Variants in SMG6 observed in about 807,000 individuals in gnomAD.
The protein encoded by SMG6 is SMG6 nonsense mediated mRNA decay factor.
Under a neutral mutation model 142.2 loss-of-function variants are expected in SMG6, and 66 were observed. That is an observed-to-expected ratio of 0.46 (90% CI 0.38 to 0.57). The LOEUF (loss-of-function observed/expected upper bound fraction) is 0.57, where lower values mean the gene tolerates loss of function less well. Ranked by LOEUF, SMG6 falls within the 20% of genes least tolerant of loss-of-function variation. The pLI is 0.00. For synonymous variants in SMG6, 779 were observed against 702.4 expected (o/e 1.11, Z -1.72); for missense variants, 1,793 against 1,832.0 (o/e 0.98, Z 0.39).
At chr17:2,278,296 G>A (rs148256484) in intron 8 of SMG6, among the ~76,000 whole-genome samples, 8,656 of 151,246 alleles carry the variant, frequency 0.057, 811 homozygotes, top group African/African-American at 0.2. Flanking sequence ...TCCGCCTCCC[G>A]GGTTCAAGCG....
At chr17:2,093,612 G>C (rs1326986373) in intron 13 of SMG6, among the ~76,000 whole-genome samples, 1 of 152,088 alleles carries the variant, frequency 6.6e-6, no homozygotes, top group African/African-American at 2.4e-5. Context: ...AAGGTGGGAA[G>C]CATGGGGCTG....
chr17:2,129,790 T>G (rs2070041307), intron 13 of SMG6, among the ~76,000 whole-genome samples: 1 of 31,158 alleles, frequency 3.2e-5, no homozygotes, highest in Non-Finnish European at 5.9e-5. Flanking sequence ...CAAGGCTCTG[T>G]CTCAAAAAAA....
At chr17:2,065,885 T>C in intron 16 of SMG6, 1 of 590,172 alleles carries the variant, frequency 1.7e-6, no homozygotes. Flanking sequence ...TCCCTTTCTG[T>C]CTCTTCTCCT....
intron 6 of SMG6, among the ~76,000 whole-genome samples, chr17:2,287,032 C>A (rs905993621): frequency 1.3e-5 from 2 of 148,866 alleles, no homozygotes; most frequent in Admixed American, 6.8e-5. Context: ...CTCGGGTTCA[C>A]GCCATTCTCC....
rs778443944 is a variant in SMG6 at position 2,236,486 on chromosome 17, C to T, written c.2869+6G>A. The T allele has an allele frequency of 3.1e-6, 5 of 1,610,536 alleles. No homozygotes were observed. Among genetic ancestry groups the T allele is most frequent in the Admixed American group, 3.4e-5 (2 of 59,598 alleles). Reference sequence around the variant, plus strand: ...ATTCTAGATGAAGAAACTAAACATGCCTTACCTTTCAGCTGGGAGTTGTGT... The same window carrying T: ...ATTCTAGATGAAGAAACTAAACATGTCTTACCTTTCAGCTGGGAGTTGTGT... On this transcript the variant is annotated splice_donor_region_variant and intron_variant, in intron 10 of 18. Coordinates refer to ENST00000263073, the MANE Select transcript of SMG6 (RefSeq NM_017575.5).
At chr17:2,135,856 C>CT (rs2070278420) in intron 13 of SMG6, among the ~76,000 whole-genome samples, 2 of 151,730 alleles carry the variant, frequency 1.3e-5, no homozygotes, top group African/African-American at 4.8e-5. Flanking sequence ...GCCCAGCTAA[C>CT]TTAAATTTTG....
At chr17:2,303,420 C>T in intron 1 of SMG6, 1 of 1,258,256 alleles carries the variant, frequency 7.9e-7, no homozygotes. Context: ...TCGGGCCAGG[C>T]TCTCCCGGAG....
At chr17:2,177,948 G>C (rs1313621837) in intron 12 of SMG6, among the ~76,000 whole-genome samples, 1 of 152,200 alleles carries the variant, frequency 6.6e-6, no homozygotes, top group African/African-American at 2.4e-5. Flanking sequence ...CCACGCAGGG[G>C]TCAGAGGCTA....
intron 8 of SMG6, among the ~76,000 whole-genome samples, chr17:2,257,057 C>A (rs554638405): frequency 6.6e-6 from 1 of 151,490 alleles, no homozygotes; most frequent in Non-Finnish European, 1.5e-5. Flanking sequence ...CTCACTGCAA[C>A]CTCCACCTCC....
At chr17:2,236,771 G>A (rs113002118) in intron 9 of SMG6, 134 bp from the exon 10 acceptor site, 15,753 of 1,349,124 alleles carry the variant, frequency 0.012, 124 homozygotes, top group Middle Eastern at 0.014. Flanking sequence ...TACTGCCTAG[G>A]ACATTTCTTT....
In SMG6 at chr17:2,123,673, A is replaced by G. The variant is rs77216542; in HGVS notation, c.3358-37772T>C. Reference sequence around the variant, plus strand: ...ACTACTAAGCTCTCTCCCAGGGAAGAGAATGGAGATGGCACAACAAAGGCT... The same window carrying G: ...ACTACTAAGCTCTCTCCCAGGGAAGGGAATGGAGATGGCACAACAAAGGCT... On this transcript the variant is annotated intron_variant, in intron 13 of 18. Coordinates refer to ENST00000263073, the MANE Select transcript of SMG6 (RefSeq NM_017575.5). Among the ~76,000 whole-genome samples the G allele has an allele frequency of 4.4e-3, 674 of 152,326 alleles. 7 individuals are homozygous for G. Among genetic ancestry groups the G allele is most frequent in the African/African-American group, 0.015 (640 of 41,568 alleles).
chr17:2,272,520 T>C (rs2151359478), intron 8 of SMG6, among the ~76,000 whole-genome samples: 1 of 152,352 alleles, frequency 6.6e-6, no homozygotes, highest in South Asian at 2.1e-4. Context: ...CTACTCATGA[T>C]GCTTTCACAG....
At chr17:2,193,817 A>T (rs2072236880) in intron 10 of SMG6, among the ~76,000 whole-genome samples, 1 of 152,202 alleles carries the variant, frequency 6.6e-6, no homozygotes, top group South Asian at 2.1e-4. Flanking sequence ...TGTAACAGAG[A>T]AGGTTTCATG....
At chr17:2,140,335 G>A (rs2070438249) in intron 13 of SMG6, among the ~76,000 whole-genome samples, 1 of 152,232 alleles carries the variant, frequency 6.6e-6, no homozygotes, top group South Asian at 2.1e-4. Context: ...GGGGTTACAG[G>A]CGTAAGCCAC....
intron 1 of SMG6, 181 bp downstream of exon 1, chr17:2,303,452 C>G (rs2075333564): frequency 1.5e-6 from 2 of 1,304,254 alleles, no homozygotes. Context: ...TGGCCGAGCC[C>G]GACCCCGCAC....
intron 8 of SMG6, among the ~76,000 whole-genome samples, chr17:2,257,837 C>G (rs1017541963): frequency 2.0e-5 from 3 of 151,142 alleles, no homozygotes; most frequent in African/African-American, 7.3e-5. Flanking sequence ...ATGGCGAAAC[C>G]CCATCTCTAC....
At chr17:2,079,124 C>A (rs1349832849) in intron 15 of SMG6, among the ~76,000 whole-genome samples, 2 of 152,052 alleles carry the variant, frequency 1.3e-5, no homozygotes, top group Admixed American at 1.3e-4. Flanking sequence ...CCACCACACC[C>A]GGCTCACTTT....
chr17:2,127,405 C>T, intron 13 of SMG6: 1 of 725,650 alleles, frequency 1.4e-6, no homozygotes, highest in South Asian at 1.4e-5. Flanking sequence ...TTTTCCCCCC[C>T]TCTTTAAATA....
chr17:2,210,237 G>T (rs1205178854), intron 10 of SMG6, among the ~76,000 whole-genome samples: 1 of 151,738 alleles, frequency 6.6e-6, no homozygotes, highest in Non-Finnish European at 1.5e-5. Context: ...CTGCTTCCTG[G>T]GGGGAACTTG....
Sources: gnomAD v4.1 joint callset for allele counts (sites outside exome capture counted in the v4.1 genomes callset) on GRCh38, gnomAD v4.1.1 for gene constraint, MANE v1.5 for transcripts, NCBI Gene and HGNC (gene_info 2026-07-23, HGNC 2026-07-21) for gene names.